TENM3: variants seen among roughly 807,000 people sequenced by gnomAD.
TENM3 encodes the protein teneurin transmembrane protein 3.
In TENM3, 63 loss-of-function variants were observed where a neutral mutation model predicts 255.1. The ratio of observed to expected loss-of-function variants is 0.25; its 90% CI spans 0.20 to 0.30. TENM3 has a LOEUF of 0.30. Among genes scored for constraint, TENM3 ranks in the 10% least tolerant of loss-of-function variants. TENM3 has a pLI of 1.00. For missense variants in TENM3, 2,929 were observed against 3,461.1 expected (o/e 0.85, Z 3.86); for synonymous variants, 1,306 against 1,322.3 (o/e 0.99, Z 0.27).
chr4:182,601,221 C>G (rs1049255812), intron 4 of TENM3, 60 bp downstream of exon 4: 101 of 1,336,444 alleles, frequency 7.6e-5, no homozygotes, highest in Non-Finnish European at 9.5e-5. Context: ...GAGCAATTTA[C>G]TATACTTACA....
chr4:181,935,260 A>G, the TENM3 span, among the ~76,000 whole-genome samples: 1 of 152,254 alleles, frequency 6.6e-6, no homozygotes, highest in Non-Finnish European at 1.5e-5. Context: ...AGTCTGTAGA[A>G]TTATTAGTGT....
the TENM3 span, among the ~76,000 whole-genome samples, chr4:181,637,136 A>G: frequency 6.6e-6 from 1 of 152,184 alleles, no homozygotes; most frequent in African/African-American, 2.4e-5. Flanking sequence ...ACACTACAAG[A>G]TTGCGAAGCC....
At chr4:181,992,155 C>T in the TENM3 span, among the ~76,000 whole-genome samples, 6 of 152,010 alleles carry the variant, frequency 3.9e-5, no homozygotes, top group East Asian at 1.2e-3. Flanking sequence ...TTAAGCATGC[C>T]TTTTTGAACG....
At chr4:182,265,742 T>C (rs535420383) in intron 1 of TENM3, among the ~76,000 whole-genome samples, 1 of 152,308 alleles carries the variant, frequency 6.6e-6, no homozygotes, top group African/African-American at 2.4e-5. Context: ...TGTGTAGTGC[T>C]CATATAAAAG....
At chr4:182,167,802 T>G (rs1489727390) in intron 1 of TENM3, among the ~76,000 whole-genome samples, 1 of 152,186 alleles carries the variant, frequency 6.6e-6, no homozygotes, top group African/African-American at 2.4e-5. Context: ...GGAGAATCAC[T>G]TGAGCCCAGG....
At chr4:182,505,069 A>G (rs1477691962) in intron 3 of TENM3, among the ~76,000 whole-genome samples, 1 of 152,170 alleles carries the variant, frequency 6.6e-6, no homozygotes, top group Non-Finnish European at 1.5e-5. Context: ...CAGGACTCTG[A>G]GGGAGCCATA....
the TENM3 span, among the ~76,000 whole-genome samples, chr4:182,022,881 T>C: frequency 6.6e-6 from 1 of 152,154 alleles, no homozygotes; most frequent in Admixed American, 6.5e-5. Context: ...CCCAAACCAG[T>C]TTAAAAATTT....
chr4:181,620,272 AAAAATAAAATAAAAT>A, the TENM3 span, among the ~76,000 whole-genome samples: 11 of 109,102 alleles, frequency 1.0e-4, no homozygotes, highest in African/African-American at 2.9e-4. Context: ...AAATAAAAAT[AAAAATAAAATAAAAT>A]AAAATAAAAT....
chr4:182,482,907 T>G (rs771159171), intron 3 of TENM3, among the ~76,000 whole-genome samples: 1 of 152,212 alleles, frequency 6.6e-6, no homozygotes, highest in Non-Finnish European at 1.5e-5. Flanking sequence ...ATGAATTAAT[T>G]TTGGATTTCA....
chr4:181,669,027 C>A, the TENM3 span, among the ~76,000 whole-genome samples: 1 of 151,992 alleles, frequency 6.6e-6, no homozygotes, highest in Admixed American at 6.6e-5. Context: ...AAATAACCTC[C>A]AATCATAGGT....
the TENM3 span, among the ~76,000 whole-genome samples, chr4:181,758,781 A>G: frequency 9.2e-5 from 14 of 152,210 alleles, no homozygotes; most frequent in South Asian, 4.1e-4. Flanking sequence ...CAAAGATATT[A>G]CATTTGAGCA....
At chr4:181,623,964 A>G in the TENM3 span, among the ~76,000 whole-genome samples, 2 of 152,236 alleles carry the variant, frequency 1.3e-5, no homozygotes, top group Non-Finnish European at 2.9e-5. Flanking sequence ...CTTCTTCTCA[A>G]CAAAGGCCTT....
chr4:181,546,949 AT>A, the TENM3 span, among the ~76,000 whole-genome samples: 1 of 151,800 alleles, frequency 6.6e-6, no homozygotes, highest in East Asian at 1.9e-4. Flanking sequence ...TTCACATTTC[AT>A]TTTTCCTAAA....
At chr4:181,638,041 C>G in the TENM3 span, among the ~76,000 whole-genome samples, 2 of 152,130 alleles carry the variant, frequency 1.3e-5, no homozygotes, top group Admixed American at 1.3e-4. Flanking sequence ...GATGTGAGAC[C>G]GTCTACAGGA....
In TENM3 at chr4:182,799,770, G is replaced by T. The variant is rs1388875394; in HGVS notation, c.7519G>T (p.Gly2507Cys). 1.3e-6 allele frequency: 2 copies of T among 1,584,236 alleles called. No individual in the cohort carries two copies. Among genetic ancestry groups the T allele is most frequent in the East Asian group, 4.7e-5 (2 of 42,824 alleles). ...GGGCGTCATGCTGGCCGTCAGCCAGGGCCGCGTGCAGACCAACGTGCTCAA... is the reference window on the plus strand; with the variant it reads ...GGGCGTCATGCTGGCCGTCAGCCAGTGCCGCGTGCAGACCAACGTGCTCAA... Reference protein sequence around the residue: ...GKGVMLAVSQGRVQTNVLNIA... With the variant: ...GKGVMLAVSQCRVQTNVLNIA... Residue 2507 changes from glycine (G) to cysteine (C), a missense_variant, in exon 28 of 28, where the codon GGC (glycine) becomes TGC (cysteine). Physicochemically the swap from Gly to Cys is radical, Grantham distance 159. Transcript: ENST00000511685. This position sits in a 1 kb window ranked among gnomAD's most constrained non-coding sequence, Gnocchi z 4.2.
the TENM3 span, among the ~76,000 whole-genome samples, chr4:181,456,344 C>A: frequency 6.6e-6 from 1 of 151,812 alleles, no homozygotes; most frequent in Non-Finnish European, 1.5e-5. Context: ...GACCATTAAC[C>A]TATTCCTTGC....
At chr4:181,826,901 G>A in the TENM3 span, among the ~76,000 whole-genome samples, 7 of 152,194 alleles carry the variant, frequency 4.6e-5, no homozygotes, top group African/African-American at 1.7e-4. Flanking sequence ...CCCACTGAAA[G>A]TGGAAAATTT....
chr4:182,563,671 A>G (rs192449203), intron 3 of TENM3, among the ~76,000 whole-genome samples: 13 of 152,318 alleles, frequency 8.5e-5, no homozygotes, highest in Non-Finnish European at 1.5e-4. Context: ...CAGATGAATA[A>G]ATGAAGTCAT....
the TENM3 span, among the ~76,000 whole-genome samples, chr4:181,537,452 C>G: frequency 6.6e-6 from 1 of 152,124 alleles, no homozygotes; most frequent in East Asian, 1.9e-4. Context: ...CTCACCAATT[C>G]AAACTCATTG....
Sources: allele counts gnomAD v4.1 joint callset (sites outside exome capture counted in the v4.1 genomes callset), GRCh38; gene constraint gnomAD v4.1.1; non-coding constraint Gnocchi (gnomAD v3.1); transcripts MANE v1.5; gene names NCBI Gene and HGNC (gene_info 2026-07-23, HGNC 2026-07-21).